Variants in MBD5 observed in about 807,000 individuals in gnomAD.
MBD5 encodes methyl-CpG-binding domain protein 5.
In MBD5, 13 loss-of-function variants were observed where a neutral mutation model predicts 117.3. That is an observed-to-expected ratio of 0.11 (90% CI 0.07 to 0.18). MBD5 has a LOEUF of 0.18. Among genes scored for constraint, MBD5 ranks in the 10% least tolerant of loss-of-function variants. The probability of loss-of-function intolerance (pLI) is 1.00; values close to 1 mark genes in which losing one functional copy is unlikely to be tolerated. For missense variants in MBD5, 1,879 were observed against 2,093.8 expected, an observed-to-expected ratio of 0.90 and a Z score of 2.00; for synonymous variants, 727 against 766.4, an observed-to-expected ratio of 0.95 and a Z score of 0.85.
intron 13 of MBD5, 118 bp from the exon 14 acceptor site, chr2:148,512,752 G>A: frequency 1.1e-6 from 1 of 887,312 alleles, no homozygotes. Context: ...CAGGATATCA[G>A]TAATTGAAAG....
intron 3 of MBD5, among the ~76,000 whole-genome samples, chr2:148,246,807 T>TA (rs1700348438): frequency 6.7e-6 from 1 of 149,232 alleles, no homozygotes; most frequent in Non-Finnish European, 1.5e-5. Context: ...ACTGTTCAGG[T>TA]ACCTGTTTCT....
chr2:148,080,798 G>A (rs1013693975), intron 1 of MBD5, among the ~76,000 whole-genome samples: 1 of 152,060 alleles, frequency 6.6e-6, no homozygotes, highest in African/African-American at 2.4e-5. Flanking sequence ...ATATGCAATG[G>A]TTTAAACATT....
At chr2:148,130,541 C>T (rs1697018631) in intron 1 of MBD5, among the ~76,000 whole-genome samples, 1 of 134,802 alleles carries the variant, frequency 7.4e-6, no homozygotes. Context: ...TAACAAAATA[C>T]TGGCTGTGTG....
chr2:148,053,955 C>T (rs1224954574), intron 1 of MBD5: 1 of 148,504 alleles, frequency 6.7e-6, no homozygotes, highest in African/African-American at 2.5e-5. Flanking sequence ...TCATCCTGGC[C>T]AGAGTGCAGT....
intron 11 of MBD5, 139 bp downstream of exon 11, chr2:148,490,733 A>T: frequency 9.5e-7 from 1 of 1,055,204 alleles, no homozygotes; most frequent in Non-Finnish European, 1.4e-6. Flanking sequence ...AAGCTTCTGG[A>T]GCATAAAATG....
At chr2:148,453,801 T>C (rs1039257785) in intron 4 of MBD5, among the ~76,000 whole-genome samples, 1 of 152,048 alleles carries the variant, frequency 6.6e-6, no homozygotes, top group African/African-American at 2.4e-5. Context: ...ATCAGAATCA[T>C]GGAGGCAAGT....
At chr2:148,498,780 A>G (rs1250201253) in intron 11 of MBD5, among the ~76,000 whole-genome samples, 2 of 152,250 alleles carry the variant, frequency 1.3e-5, no homozygotes, top group Non-Finnish European at 2.9e-5. Context: ...TCAAAAACTT[A>G]GTTAAATTAT....
At chr2:148,453,441 C>T (rs1979039) in intron 4 of MBD5, among the ~76,000 whole-genome samples, 135,879 of 152,092 alleles carry the variant, frequency 0.89, 61,032 homozygotes, top group East Asian at 1. Flanking sequence ...ATGCACACAA[C>T]TTTGCATCTC....
intron 8 of MBD5, among the ~76,000 whole-genome samples, chr2:148,472,895 A>G (rs1390938476): frequency 2.0e-5 from 3 of 152,134 alleles, no homozygotes; most frequent in African/African-American, 4.8e-5. Flanking sequence ...TTATTGTTCA[A>G]TTTTACAGAT....
At chr2:148,297,033 C>A (rs1214557694) in intron 3 of MBD5, among the ~76,000 whole-genome samples, 1 of 151,244 alleles carries the variant, frequency 6.6e-6, no homozygotes, top group East Asian at 2.0e-4. Flanking sequence ...TGCCACCACG[C>A]CCGACTAATT....
intron 1 of MBD5, among the ~76,000 whole-genome samples, chr2:148,066,726 C>T (rs1446272573): frequency 2.0e-5 from 3 of 152,176 alleles, no homozygotes; most frequent in African/African-American, 7.2e-5. Context: ...AATCCACCTG[C>T]CTTGGCCTCC....
chr2:148,077,878 A>G (rs1313146167), intron 1 of MBD5, among the ~76,000 whole-genome samples: 1 of 152,138 alleles, frequency 6.6e-6, no homozygotes, highest in African/African-American at 2.4e-5. Context: ...CATATTGACC[A>G]TCAGAGCTCA....
intron 2 of MBD5, among the ~76,000 whole-genome samples, chr2:148,205,136 G>A (rs1241070465): frequency 6.6e-6 from 1 of 151,810 alleles, no homozygotes; most frequent in Non-Finnish European, 1.5e-5. Context: ...GAGTGCAGTG[G>A]CGTAATCTCG....
intron 3 of MBD5, among the ~76,000 whole-genome samples, chr2:148,235,806 G>C (rs1700079412): frequency 2.0e-5 from 3 of 151,210 alleles, no homozygotes. Flanking sequence ...GGAGTGTTTT[G>C]GGGGGTGGCG....
chr2:148,329,386 A>G (rs1456120032), intron 3 of MBD5, among the ~76,000 whole-genome samples: 3 of 152,188 alleles, frequency 2.0e-5, no homozygotes, highest in African/African-American at 4.8e-5. Flanking sequence ...ATTTACTTTC[A>G]ATTTTTATTC....
intron 3 of MBD5, among the ~76,000 whole-genome samples, chr2:148,254,780 A>C (rs540235413): frequency 6.6e-6 from 1 of 152,162 alleles, no homozygotes; most frequent in African/African-American, 2.4e-5. Context: ...TATCCATCCC[A>C]CACAGTGGTG....
chr2:148,473,203 G>A (rs1680851469), intron 8 of MBD5, among the ~76,000 whole-genome samples: 1 of 152,110 alleles, frequency 6.6e-6, no homozygotes, highest in African/African-American at 2.4e-5. Flanking sequence ...ATAATGACTA[G>A]AATTTTTACG....
At chr2:148,401,214 C>T (rs952044126) in intron 4 of MBD5, among the ~76,000 whole-genome samples, 19 of 152,118 alleles carry the variant, frequency 1.2e-4, no homozygotes, top group African/African-American at 4.6e-4. Context: ...TGAAGCCAAG[C>T]TTGCTTTCAC....
intron 1 of MBD5, among the ~76,000 whole-genome samples, chr2:148,176,304 G>GT (rs34981118): frequency 0.065 from 6,432 of 98,946 alleles, 189 homozygotes; most frequent in South Asian, 0.11. Flanking sequence ...TTAGAGTTTT[G>GT]TTTTTTTTTT....
Sources: gnomAD v4.1 joint callset for allele counts (sites outside exome capture counted in the v4.1 genomes callset) on GRCh38, gnomAD v4.1.1 for gene constraint, MANE v1.5 for transcripts, NCBI Gene and HGNC (gene_info 2026-07-23, HGNC 2026-07-21) for gene names.